Variants in EXOSC7 observed in about 807,000 individuals in gnomAD.
EXOSC7 encodes exosome component 7.
A neutral mutation model predicts 34.3 loss-of-function variants in EXOSC7; 25 were observed. The observed-to-expected ratio is 0.73, with a 90% CI of 0.53 to 1.02. EXOSC7 has a LOEUF of 1.02. Ranked by LOEUF, EXOSC7 falls within the 50% of genes least tolerant of loss-of-function variation. The pLI is 0.00. For synonymous variants in EXOSC7, 130 were observed against 143.0 expected (o/e 0.91, Z 0.65); for missense variants, 370 against 368.5 (o/e 1.00, Z -0.03).
At position 45,005,417 on chromosome 3, in the gene EXOSC7, A is replaced by G; in HGVS notation, c.615+3A>G. 1.2e-6 allele frequency: 2 copies of G among 1,612,466 alleles called. No individual in the cohort carries two copies. The highest frequency in any genetic ancestry group is 1.7e-6 in the Non-Finnish European group (2 of 1,178,694). On this transcript the variant is annotated splice_donor_region_variant and intron_variant, in intron 6 of 7. Transcript: ENST00000265564. ...CCTGCATTGTCACTCTGTGCAAGGT[A>G]TAACTTGTATTTTATGGTTTTTGTC...
chr3:44,989,058 C>T (rs1706496388), intron 1 of EXOSC7, 82 bp from the exon 2 acceptor site: 2 of 907,124 alleles, frequency 2.2e-6, no homozygotes, highest in Non-Finnish European at 1.8e-6. Flanking sequence ...CATATATCTT[C>T]TCTAGGGGGA....
rs756886853 is a variant in EXOSC7, at chr3:45,001,493, G to C, written c.421-45G>C. On this transcript the variant is annotated intron_variant, in intron 4 of 7. Coordinates refer to ENST00000265564, the MANE Select transcript of EXOSC7 (RefSeq NM_015004.4). Reference sequence around the variant, plus strand: ...ACTGGGGTAATACCTAAAGTAATAAGTGATGCTTGGTTTTTTTTCCTTTTT... The same window carrying C: ...ACTGGGGTAATACCTAAAGTAATAACTGATGCTTGGTTTTTTTTCCTTTTT... 2.1e-6 allele frequency: 3 copies of C among 1,426,590 alleles called. No individual in the cohort carries two copies. The South Asian group carries it at 3.4e-5, about 16-fold the overall frequency. 88.4% of individuals were successfully genotyped at this position (1,426,590 alleles called of 1,614,324 possible). A position where few individuals can be genotyped will look rare whatever the true frequency, so the allele number is the denominator to read the frequency against.
chr3:44,979,727 C>T (rs1223526552), intron 1 of EXOSC7, among the ~76,000 whole-genome samples: 1 of 152,100 alleles, frequency 6.6e-6, no homozygotes, highest in African/African-American at 2.4e-5. Context: ...CAGTTCTGAA[C>T]TCATGTTTCC....
chr3:45,001,690 T>C (rs1367058788), intron 5 of EXOSC7, 82 bp downstream of exon 5: 22 of 970,970 alleles, frequency 2.3e-5, no homozygotes, highest in African/African-American at 4.8e-5. Flanking sequence ...GAAATTTCTA[T>C]TGTAGCTCAT....
At chr3:44,984,627 T>C (rs1258716629) in intron 1 of EXOSC7, among the ~76,000 whole-genome samples, 2 of 152,226 alleles carry the variant, frequency 1.3e-5, no homozygotes, top group Non-Finnish European at 2.9e-5. Context: ...AGCTCTGACT[T>C]GAGGCTTAAG....
intron 4 of EXOSC7, among the ~76,000 whole-genome samples, 169 bp from the exon 5 acceptor site, chr3:45,001,369 G>C (rs1298960047): frequency 6.6e-6 from 1 of 152,026 alleles, no homozygotes; most frequent in Non-Finnish European, 1.5e-5. Context: ...CTTGAACCTG[G>C]GAGGCAGAGG....
At chr3:44,997,324 A>G in intron 4 of EXOSC7, 72 bp downstream of exon 4, 1 of 1,455,312 alleles carries the variant, frequency 6.9e-7, no homozygotes, top group Non-Finnish European at 9.4e-7. Flanking sequence ...TTTTCCTTCC[A>G]GTGCTTTTTT....
intron 5 of EXOSC7, chr3:45,004,443 A>G (rs1706971974): frequency 6.6e-6 from 1 of 151,268 alleles, no homozygotes; most frequent in Admixed American, 6.6e-5. Flanking sequence ...TTTAGTAGAG[A>G]TGGGGTTTCA....
chr3:44,994,736 T>C (rs1445361346), intron 3 of EXOSC7, among the ~76,000 whole-genome samples: 2 of 152,122 alleles, frequency 1.3e-5, no homozygotes, highest in South Asian at 4.1e-4. Context: ...TCCGTTTTCC[T>C]AGCCTCCTCC....
intron 7 of EXOSC7, among the ~76,000 whole-genome samples, chr3:45,011,012 C>G (rs1298152608): frequency 1.3e-5 from 2 of 152,118 alleles, no homozygotes; most frequent in Non-Finnish European, 2.9e-5. Context: ...TGGTGTTTGT[C>G]TCTCTTTTTT....
At chr3:45,011,157 C>T (rs1368714696) in intron 7 of EXOSC7, 78 bp from the exon 8 acceptor site, 22 of 744,890 alleles carry the variant, frequency 3.0e-5, no homozygotes, top group Non-Finnish European at 4.0e-5. Flanking sequence ...GACTAGCTGG[C>T]AGAAAGGAAT....
At chr3:44,991,526 G>T (rs1706572163) in intron 3 of EXOSC7, among the ~76,000 whole-genome samples, 1 of 152,142 alleles carries the variant, frequency 6.6e-6, no homozygotes, top group Admixed American at 6.5e-5. Context: ...TTCATTTTAG[G>T]CAGACCAAAG....
At chr3:45,006,032 G>A (rs1043802204) in intron 6 of EXOSC7, among the ~76,000 whole-genome samples, 1 of 133,952 alleles carries the variant, frequency 7.5e-6, no homozygotes, top group African/African-American at 2.8e-5. Context: ...GTGGTGAAGT[G>A]TTCAGACAAC....
intron 1 of EXOSC7, among the ~76,000 whole-genome samples, chr3:44,981,910 A>G (rs543881579): frequency 3.2e-4 from 49 of 152,176 alleles, no homozygotes; most frequent in African/African-American, 6.3e-4. Flanking sequence ...GAAAAAAGAG[A>G]AGGGGGATCT....
intron 3 of EXOSC7, among the ~76,000 whole-genome samples, chr3:44,989,925 C>G (rs1706524997): frequency 6.6e-6 from 1 of 152,110 alleles, no homozygotes; most frequent in Admixed American, 6.5e-5. Context: ...TGATGAGGGT[C>G]AAATGAAATG....
intron 5 of EXOSC7, chr3:45,002,206 T>G (rs1706900991): frequency 6.6e-6 from 1 of 152,286 alleles, no homozygotes; most frequent in African/African-American, 2.4e-5. Flanking sequence ...CTTTCCCCCT[T>G]TTATGCTCCA....
chr3:44,978,490 T>C (rs1482307599), intron 1 of EXOSC7, among the ~76,000 whole-genome samples: 3 of 152,208 alleles, frequency 2.0e-5, no homozygotes. Context: ...TGTCCTTATA[T>C]AGCTCTCATG....
At chr3:44,996,272 C>T (rs977802874) in intron 3 of EXOSC7, among the ~76,000 whole-genome samples, 1 of 144,586 alleles carries the variant, frequency 6.9e-6, no homozygotes, top group African/African-American at 2.6e-5. Context: ...ACCTCATATA[C>T]ATATTAAGGG....
At chr3:44,990,584 C>T (rs1706542280) in intron 3 of EXOSC7, among the ~76,000 whole-genome samples, 1 of 152,118 alleles carries the variant, frequency 6.6e-6, no homozygotes, top group Non-Finnish European at 1.5e-5. Context: ...ATTTGCTAGA[C>T]TTAGCATATA....
Sources: gnomAD v4.1 joint callset for allele counts (sites outside exome capture counted in the v4.1 genomes callset) on GRCh38, gnomAD v4.1.1 for gene constraint, MANE v1.5 for transcripts, NCBI Gene and HGNC (gene_info 2026-07-23, HGNC 2026-07-21) for gene names.